Variants in POLE observed in about 807,000 individuals in gnomAD.
The protein encoded by POLE is DNA polymerase epsilon, catalytic subunit.
In POLE, 188 loss-of-function variants were observed where a neutral mutation model predicts 279.2. The ratio of observed to expected loss-of-function variants is 0.67; its 90% CI spans 0.60 to 0.76. The LOEUF (loss-of-function observed/expected upper bound fraction) is 0.76, where lower values mean the gene tolerates loss of function less well. Among genes scored for constraint, POLE ranks in the 30% least tolerant of loss-of-function variants. The pLI is 0.00. For synonymous variants in POLE, 1,214 were observed against 1,172.5 expected (o/e 1.04, Z -0.72); for missense variants, 2,703 against 3,016.7 (o/e 0.90, Z 2.44).
At position 132,632,722 on chromosome 12, in the gene POLE, C is replaced by G; in HGVS notation, c.6078G>C (p.Arg2026Ser). 6.2e-7 allele frequency: 1 copy of G among 1,613,764 alleles called. No homozygotes were observed. The highest frequency in any genetic ancestry group is 1.3e-5 in the African/African-American group (1 of 75,036). Residue 2026 changes from arginine to serine, a missense_variant, in exon 44 of 49, where the codon AGG becomes AGC. By Grantham distance (110) the Arg-to-Ser change is moderately radical (BLOSUM62 -1). Around this residue, in one of 5 missense-constraint regions of POLE, gnomAD observed 1,551 missense variants for 1,686.1 expected, o/e 0.92. Coordinates refer to ENST00000320574, the MANE Select transcript of POLE (RefSeq NM_006231.4). ...GGGAGAGCTGGCTGGCCCCCCTCCT[C>G]CTCACGGGGGTGCTCCCTGGAGCAC... ...RRSAPGSTPV[R>S]RRGASQLSQE... is the part of the protein sequence containing the mutation.
At chr12:132,670,876 G>A (rs1226984637) in intron 16 of POLE, among the ~76,000 whole-genome samples, 1 of 152,166 alleles carries the variant, frequency 6.6e-6, no homozygotes. Flanking sequence ...GTATAATAAT[G>A]GATGTGGCTG....
At position 132,677,626 on chromosome 12, in the gene POLE, G is replaced by A. The variant is rs376923206; in HGVS notation, c.672C>T (p.Tyr224=). ...QLDNIVDMRE[Y]DVPYHIRLSI... ...AGAGGCGGATGTGGTAGGGAACATC[G>A]TACTCGCGCATGTCCACAATGTTGT... is the stretch of plus-strand genomic sequence containing the variant. The change falls in exon 7 of 49, where the codon TAC becomes TAT. Residue 224 remains tyrosine, a synonymous_variant. Coordinates refer to ENST00000320574, the MANE Select transcript of POLE (RefSeq NM_006231.4). 233 of 1,614,034 alleles carry A rather than the reference G, an allele frequency of 1.4e-4. No homozygotes were observed. The highest frequency in any genetic ancestry group is 2.0e-4 in the African/African-American group (15 of 74,916).
Position 132,649,784 on chromosome 12 carries a change from TCA to T in POLE, c.3686_3687del (p.Val1229GlufsTer125). 1 of 1,614,186 alleles carries T rather than the reference TCA, an allele frequency of 6.2e-7. No homozygotes were observed. Among genetic ancestry groups the T allele is most frequent in the South Asian group, 1.1e-5 (1 of 91,082 alleles). ...KLPHPAAPVT[V>X]KRKRVLWESQ... ...CTCTCCCAAAGAACTCGCTTCCTCT[TCA>T]CAGTGACAGGGGCTGCTGGGTGAGG... On this transcript the variant is annotated frameshift_variant, in exon 30 of 49. Coordinates refer to ENST00000320574, the MANE Select transcript of POLE (RefSeq NM_006231.4). LOFTEE classifies it high-confidence loss of function.
chr12:132,674,069 T>G (rs1311425103), intron 12 of POLE, among the ~76,000 whole-genome samples: 1 of 151,974 alleles, frequency 6.6e-6, no homozygotes, highest in African/African-American at 2.4e-5. Context: ...ACACTGATCT[T>G]CTCTCCTCAC....
intron 32 of POLE, among the ~76,000 whole-genome samples, chr12:132,646,766 A>G (rs555746048): frequency 6.6e-6 from 1 of 151,920 alleles, no homozygotes; most frequent in South Asian, 2.1e-4. Context: ...CGGGAGGCGG[A>G]GGTTGCGGTG....
At chr12:132,677,473 T>C in intron 7 of POLE, 30 bp from the exon 8 acceptor site, 1 of 1,609,616 alleles carries the variant, frequency 6.2e-7, no homozygotes, top group Non-Finnish European at 8.5e-7. Flanking sequence ...CTAACTAGAG[T>C]TCTACATCCA....
At position 132,624,421 on chromosome 12, in the gene POLE, G is replaced by A. The variant is rs1024083830; in HGVS notation, c.*276C>T. On this transcript the variant is annotated 3_prime_UTR_variant, in exon 49 of 49. Transcript: ENST00000320574. ...AGAGGCCTGGAAAAGCATTCACTGC[G>A]TGAGAAACGGCGCCCAGGGCACTCG... The A allele has an allele frequency of 3.2e-5, 17 of 530,822 alleles. No homozygotes were observed. The highest frequency in any genetic ancestry group is 6.6e-5 in the South Asian group (3 of 45,366). 32.9% of individuals were successfully genotyped at this position (530,822 alleles called of 1,614,324 possible).
intron 32 of POLE, among the ~76,000 whole-genome samples, chr12:132,647,537 T>G (rs920490752): frequency 6.6e-6 from 1 of 151,922 alleles, no homozygotes. Context: ...AGCTCTTCGT[T>G]ATAAAGGAAA....
chr12:132,660,768 C>T (rs1052037604), intron 25 of POLE: 1 of 424,606 alleles, frequency 2.4e-6, no homozygotes. Context: ...AAAACGTTTC[C>T]CTCAGAGTTG....
rs1565965882 is a variant in POLE, at chr12:132,668,461, G to C, written c.2068C>G (p.Leu690Val). ...AAGGGGGGGAACTTCTCTGACTCCAGCTGGTGCTGGATCCGATGGTATTCG... is the reference window on the plus strand; with the variant it reads ...AAGGGGGGGAACTTCTCTGACTCCACCTGGTGCTGGATCCGATGGTATTCG... ...RSEYHRIQHQ[L>V]ESEKFPPLFP... Residue 690 changes from leucine (L) to valine (V), a missense_variant, in exon 19 of 49, where the codon CTG becomes GTG. Coordinates refer to ENST00000320574, the MANE Select transcript of POLE (RefSeq NM_006231.4). This position sits in a 1 kb window ranked among gnomAD's most constrained non-coding sequence, Gnocchi z 4.0. 1.2e-6 allele frequency: 2 copies of C among 1,611,068 alleles called. No individual in the cohort carries two copies. Among genetic ancestry groups the C allele is most frequent in the Non-Finnish European group, 1.7e-6 (2 of 1,178,404 alleles).
At chr12:132,627,740 C>T (rs2041864456) in intron 45 of POLE, among the ~76,000 whole-genome samples, 1 of 152,172 alleles carries the variant, frequency 6.6e-6, no homozygotes, top group South Asian at 2.1e-4. Context: ...GAGTCGCAAT[C>T]GTTTTGCTGG....
chr12:132,659,397 T>A lies in POLE; in HGVS notation c.3173A>T (p.Lys1058Met), dbSNP rs2042629524. ...GTCTCCCAGGAACTCGGCCAGGCGCTTTGCTGTGCTGATGGACGTAGACTT... is the reference window on the plus strand; with the variant it reads ...GTCTCCCAGGAACTCGGCCAGGCGCATTGCTGTGCTGATGGACGTAGACTT... ...EQKSTSISTA[K>M]RLAEFLGDQM... The change falls in exon 26 of 49, where the codon AAG (lysine) becomes ATG (methionine). Residue 1058 changes from lysine to methionine, a missense_variant. This residue lies in a region of POLE where 1,551 missense variants were observed against 1,686.1 expected (regional missense o/e 0.92). Transcript: ENST00000320574. The A allele has an allele frequency of 1.2e-6, 2 of 1,614,190 alleles. No individual in the cohort carries two copies. Among genetic ancestry groups the A allele is most frequent in the Non-Finnish European group, 1.7e-6 (2 of 1,180,016 alleles).
intron 23 of POLE, among the ~76,000 whole-genome samples, chr12:132,662,363 CTACTT>C (rs1265749464): frequency 2.6e-5 from 4 of 152,230 alleles, no homozygotes; most frequent in African/African-American, 7.2e-5. Flanking sequence ...AATTCTAAAA[CTACTT>C]TACATGGACT....
chr12:132,679,128 C>T (rs1032102535), intron 6 of POLE, among the ~76,000 whole-genome samples: 1 of 152,170 alleles, frequency 6.6e-6, no homozygotes, highest in Non-Finnish European at 1.5e-5. Context: ...TTTCTGTGGA[C>T]GATACCCAAG....
intron 20 of POLE, among the ~76,000 whole-genome samples, chr12:132,667,119 C>T (rs2042814257): frequency 6.6e-6 from 1 of 152,130 alleles, no homozygotes; most frequent in African/African-American, 2.4e-5. Flanking sequence ...TGGTGAATAC[C>T]ATAGATGAGA....
rs941140840 is a variant in POLE, at chr12:132,634,695, G to C, written c.5812-317C>G. Among the ~76,000 whole-genome samples the C allele has an allele frequency of 6.6e-6, 1 of 152,054 alleles. No homozygotes were observed. Among genetic ancestry groups the C allele is most frequent in the African/African-American group, 2.4e-5 (1 of 41,384 alleles). The stretch of plus-strand genomic sequence containing the variant: ...ACGAAAGAACCAGCCAGAGCTTCCC[G>C]GTGACTGTTCTCTCCTCTGAGTCCA... On this transcript the variant is annotated intron_variant, in intron 42 of 48. Transcript: ENST00000320574. This position sits in a 1 kb window ranked among gnomAD's most constrained non-coding sequence, Gnocchi z 4.0.
Position 132,664,009 on chromosome 12 carries a change from C to T in POLE, c.2701G>A (p.Val901Ile), listed in dbSNP as rs1565960706. 2.5e-6 allele frequency: 4 copies of T among 1,614,040 alleles called. No homozygotes were observed. The highest frequency in any genetic ancestry group is 2.5e-6 in the Non-Finnish European group (3 of 1,180,034). ...SYPGAMLNIM[V>I]KEGFTNDQYQ... ...ACCAGAGGCCCCAGACTCACCTTGA[C>T]CATGATGTTCAACATGGCGCCTGGG... The change falls in exon 23 of 49, where the codon GTC becomes ATC. Residue 901 changes from valine (V) to isoleucine (I), a missense_variant. Around this residue, in one of 5 missense-constraint regions of POLE, gnomAD observed 101 missense variants for 115.4 expected, o/e 0.87. Coordinates refer to ENST00000320574, the MANE Select transcript of POLE (RefSeq NM_006231.4). This position sits in a 1 kb window ranked among gnomAD's most constrained non-coding sequence, Gnocchi z 5.3.
chr12:132,667,470 A>G (rs2135968814), intron 20 of POLE, 33 bp downstream of exon 20: 4 of 1,608,422 alleles, frequency 2.5e-6, no homozygotes, highest in Non-Finnish European at 3.4e-6. Context: ...CTGCCCTCAC[A>G]GAGGCCAAAG....
At position 132,643,365 on chromosome 12, in the gene POLE, G is replaced by A. The variant is rs371147525; in HGVS notation, c.4445-35C>T. On this transcript the variant is annotated intron_variant, in intron 34 of 48. Coordinates refer to ENST00000320574, the MANE Select transcript of POLE (RefSeq NM_006231.4). ...GAAACAAGACCGTCACCCCAGATGTGTGGGAGGCAGGCACATGATGGGCGG... is the reference window on the plus strand; with the variant it reads ...GAAACAAGACCGTCACCCCAGATGTATGGGAGGCAGGCACATGATGGGCGG... 70 of 1,614,076 alleles carry A rather than the reference G, an allele frequency of 4.3e-5. No homozygotes were observed. The highest frequency in any genetic ancestry group is 5.8e-5 in the Non-Finnish European group (69 of 1,180,022).
Sources: gnomAD v4.1 joint callset for allele counts (sites outside exome capture counted in the v4.1 genomes callset) on GRCh38, gnomAD v4.1.1 for gene constraint, gnomAD v4.1.1 regional missense constraint, Gnocchi (gnomAD v3.1) non-coding constraint, MANE v1.5 for transcripts, NCBI Gene and HGNC (gene_info 2026-07-23, HGNC 2026-07-21) for gene names.